ERC2: variants seen among roughly 807,000 people sequenced by gnomAD.
ERC2 encodes the protein ERC protein 2.
Under a neutral mutation model 114.8 loss-of-function variants are expected in ERC2, and 42 were observed. The ratio of observed to expected loss-of-function variants is 0.37; its 90% confidence interval spans 0.29 to 0.47. The LOEUF is 0.47. Among genes scored for constraint, ERC2 ranks in the 20% least tolerant of loss-of-function variants. ERC2 has a pLI of 0.99. For synonymous variants in ERC2, 454 were observed against 425.5 expected, an observed-to-expected ratio of 1.07 and a Z score of -0.82; for missense variants, 939 against 1,150.7, an observed-to-expected ratio of 0.82 and a Z score of 2.66.
At chr3:56,284,474 G>C (rs2054548305) in intron 3 of ERC2, among the ~76,000 whole-genome samples, 1 of 152,172 alleles carries the variant, frequency 6.6e-6, no homozygotes, top group Admixed American at 6.5e-5. Flanking sequence ...AGGTAATTTT[G>C]AACATCTGCA....
At chr3:56,382,650 A>G (rs1205249214) in intron 2 of ERC2, among the ~76,000 whole-genome samples, 1 of 152,136 alleles carries the variant, frequency 6.6e-6, no homozygotes, top group Admixed American at 6.6e-5. Context: ...CTCTTGTTTC[A>G]TTCCAACTCA....
chr3:56,001,127 T>A (rs887691565), intron 10 of ERC2, among the ~76,000 whole-genome samples: 47 of 132,858 alleles, frequency 3.5e-4, no homozygotes, highest in African/African-American at 8.7e-4. Context: ...AAAGGAGGAA[T>A]AAAGGGAAGG....
intron 7 of ERC2, among the ~76,000 whole-genome samples, chr3:56,064,262 G>T (rs916777240): frequency 6.6e-6 from 1 of 152,142 alleles, no homozygotes; most frequent in Non-Finnish European, 1.5e-5. Context: ...ACATGGAACT[G>T]CAGCAAAGGA....
chr3:56,317,558 T>C (rs1482797231), intron 2 of ERC2, among the ~76,000 whole-genome samples: 1 of 152,208 alleles, frequency 6.6e-6, no homozygotes, highest in Non-Finnish European at 1.5e-5. Context: ...TTAATTTTAA[T>C]GATAATCTAA....
At chr3:55,708,413 G>T (rs1347317300) in intron 15 of ERC2, among the ~76,000 whole-genome samples, 1 of 152,210 alleles carries the variant, frequency 6.6e-6, no homozygotes, top group Non-Finnish European at 1.5e-5. Flanking sequence ...GCGCAGGTCT[G>T]TTTAATTAAG....
chr3:55,953,204 C>CAAA (rs10575146), intron 12 of ERC2, among the ~76,000 whole-genome samples: 2 of 140,550 alleles, frequency 1.4e-5, no homozygotes, highest in African/African-American at 2.6e-5. Flanking sequence ...AACTCCATCT[C>CAAA]AAAAAAAAAA....
At chr3:55,897,478 T>C (rs1303201661) in intron 13 of ERC2, among the ~76,000 whole-genome samples, 2 of 152,204 alleles carry the variant, frequency 1.3e-5, no homozygotes, top group African/African-American at 4.8e-5. Context: ...CCATCCTGAG[T>C]GCAAGAGGAT....
chr3:56,293,479 A>C (rs555194872), intron 3 of ERC2, among the ~76,000 whole-genome samples: 18 of 152,336 alleles, frequency 1.2e-4, no homozygotes, highest in African/African-American at 3.8e-4. Flanking sequence ...GTGGTTTAAC[A>C]CCAGGATCAT....
At chr3:56,317,083 A>G (rs1294997557) in intron 2 of ERC2, among the ~76,000 whole-genome samples, 1 of 152,252 alleles carries the variant, frequency 6.6e-6, no homozygotes, top group African/African-American at 2.4e-5. Flanking sequence ...AAGAAGCAAC[A>G]AATGAGGAGA....
intron 14 of ERC2, among the ~76,000 whole-genome samples, chr3:55,769,447 C>A (rs555507794): frequency 6.6e-6 from 1 of 151,908 alleles, no homozygotes; most frequent in Non-Finnish European, 1.5e-5. Flanking sequence ...ATCACAGGGT[C>A]TCTGTCTGGG....
intron 17 of ERC2, among the ~76,000 whole-genome samples, chr3:55,664,152 T>G (rs1432612302): frequency 6.6e-6 from 1 of 152,164 alleles, no homozygotes; most frequent in East Asian, 1.9e-4. Context: ...GCCTTTTATT[T>G]TTTTCCCCCC....
chr3:55,944,466 CAGA>C (rs931318412), intron 13 of ERC2, among the ~76,000 whole-genome samples: 3 of 152,156 alleles, frequency 2.0e-5, no homozygotes, highest in Admixed American at 6.5e-5. Flanking sequence ...CAGGAAAAAG[CAGA>C]AGATGTTTCT....
intron 3 of ERC2, among the ~76,000 whole-genome samples, chr3:56,189,058 G>A (rs570842974): frequency 1.4e-4 from 21 of 150,740 alleles, no homozygotes; most frequent in African/African-American, 5.1e-4. Context: ...CCAGTTTTCA[G>A]GAGGAAACCA....
At chr3:55,515,579 AT>A (rs1283932154) in intron 17 of ERC2, among the ~76,000 whole-genome samples, 1 of 143,338 alleles carries the variant, frequency 7.0e-6, no homozygotes, top group Non-Finnish European at 1.5e-5. Context: ...CTCTTTTTGG[AT>A]TTTTTTAAAC....
chr3:56,150,155 A>G (rs1451510016), intron 4 of ERC2, among the ~76,000 whole-genome samples: 1 of 152,174 alleles, frequency 6.6e-6, no homozygotes. Context: ...ATACAGAACA[A>G]TCTATCAACT....
At chr3:55,626,219 C>A (rs1361999584) in intron 17 of ERC2, among the ~76,000 whole-genome samples, 2 of 152,136 alleles carry the variant, frequency 1.3e-5, no homozygotes, top group East Asian at 3.9e-4. Context: ...CCTGAGCATG[C>A]CAGCCTTTAC....
At chr3:55,586,535 A>G (rs1198469639) in intron 17 of ERC2, among the ~76,000 whole-genome samples, 4 of 152,230 alleles carry the variant, frequency 2.6e-5, no homozygotes, top group Admixed American at 6.5e-5. Context: ...TTTGATAAGA[A>G]CATTTAAAAT....
chr3:56,070,589 C>A (rs1045618903), intron 7 of ERC2, among the ~76,000 whole-genome samples: 1 of 152,020 alleles, frequency 6.6e-6, no homozygotes, highest in Non-Finnish European at 1.5e-5. Flanking sequence ...TTTCATTGAA[C>A]GAGAATCAAT....
intron 15 of ERC2, among the ~76,000 whole-genome samples, chr3:55,707,708 G>C (rs2063561541): frequency 6.6e-6 from 1 of 152,226 alleles, no homozygotes; most frequent in East Asian, 1.9e-4. Flanking sequence ...ACAACACTGT[G>C]TTGGCATCAT....
Sources: gnomAD v4.1 joint callset for allele counts (sites outside exome capture counted in the v4.1 genomes callset) on GRCh38, gnomAD v4.1.1 for gene constraint, MANE v1.5 for transcripts, NCBI Gene and HGNC (gene_info 2026-07-23, HGNC 2026-07-21) for gene names.